The following SEZ6L variants were observed in gnomAD, a reference collection of about 807,000 sequenced individuals.
SEZ6L encodes seizure 6-like protein.
Under a neutral mutation model 106.2 loss-of-function variants are expected in SEZ6L, and 37 were observed. That is an observed-to-expected ratio of 0.35 (90% CI 0.27 to 0.46). SEZ6L has a LOEUF of 0.46. Among genes scored for constraint, SEZ6L ranks in the 20% least tolerant of loss-of-function variants. The pLI is 1.00. For missense variants in SEZ6L, 1,172 were observed against 1,332.8 expected, an observed-to-expected ratio of 0.88 and a Z score of 1.88; for synonymous variants, 541 against 570.4, an observed-to-expected ratio of 0.95 and a Z score of 0.73.
chr22:26,314,015 C>A, intron 9 of SEZ6L, 113 bp downstream of exon 9: 1 of 1,099,508 alleles, frequency 9.1e-7, no homozygotes, highest in Non-Finnish European at 1.3e-6. Context: ...TACTATGTGC[C>A]GGGACTATGC....
rs184234662 is a variant in SEZ6L at position 26,373,577 on chromosome 22, A to G, written c.2827+94A>G. On this transcript the variant is annotated intron_variant, in intron 14 of 16. Coordinates refer to ENST00000248933, the MANE Select transcript of SEZ6L (RefSeq NM_021115.5). ...TTTGAATATCTTTATTTAGACACTT[A>G]AAAAATAAATAAATTCTACCTTCAG... is the stretch of plus-strand genomic sequence containing the variant. 8 of 948,278 alleles carry G rather than the reference A, an allele frequency of 8.4e-6. No individual in the cohort carries two copies. The East Asian group carries it at 1.7e-4, about 21-fold the overall frequency. The allele number at this position is 948,278 out of a possible 1,614,324, so 58.7% of individuals were successfully genotyped here.
intron 1 of SEZ6L, among the ~76,000 whole-genome samples, chr22:26,190,663 A>G (rs1455478862): frequency 6.6e-6 from 1 of 152,122 alleles, no homozygotes; most frequent in Non-Finnish European, 1.5e-5. Context: ...TGAGGCTGGA[A>G]CCATGTAGGA....
intron 1 of SEZ6L, among the ~76,000 whole-genome samples, chr22:26,210,537 G>A (rs757582365): frequency 3.0e-4 from 46 of 152,156 alleles, no homozygotes; most frequent in Non-Finnish European, 1.6e-4. Flanking sequence ...CGATGTCAGT[G>A]ACACGCCACA....
At chr22:26,277,464 C>T (rs1024430401) in intron 1 of SEZ6L, among the ~76,000 whole-genome samples, 1 of 152,192 alleles carries the variant, frequency 6.6e-6, no homozygotes, top group African/African-American at 2.4e-5. Context: ...ATGAAGAGAA[C>T]AGCAAGAAAT....
chr22:26,204,168 A>G (rs746419046), intron 1 of SEZ6L, among the ~76,000 whole-genome samples: 20 of 152,210 alleles, frequency 1.3e-4, no homozygotes, highest in Non-Finnish European at 2.8e-4. Context: ...CATTCAATAC[A>G]TAGTTCTTGA....
At chr22:26,198,341 A>G (rs1437446522) in intron 1 of SEZ6L, among the ~76,000 whole-genome samples, 1 of 152,242 alleles carries the variant, frequency 6.6e-6, no homozygotes, top group Non-Finnish European at 1.5e-5. Flanking sequence ...CCATAAAGCT[A>G]TATAAATGTT....
chr22:26,208,923 C>T (rs976112119), intron 1 of SEZ6L, among the ~76,000 whole-genome samples: 13 of 144,310 alleles, frequency 9.0e-5, no homozygotes, highest in East Asian at 6.2e-4. Context: ...TGATATTTCC[C>T]GCAAATCCCT....
At chr22:26,328,184 C>T (rs1254809083) in intron 9 of SEZ6L, among the ~76,000 whole-genome samples, 1 of 152,148 alleles carries the variant, frequency 6.6e-6, no homozygotes, top group Non-Finnish European at 1.5e-5. Context: ...GGTTGGGAAG[C>T]CTCTTGTCCA....
chr22:26,358,218 T>C (rs1246577519), intron 12 of SEZ6L, among the ~76,000 whole-genome samples: 3 of 152,168 alleles, frequency 2.0e-5, no homozygotes, highest in Non-Finnish European at 4.4e-5. Flanking sequence ...CCTAGGGGAT[T>C]TGGGTAAAAG....
intron 13 of SEZ6L, among the ~76,000 whole-genome samples, chr22:26,369,999 C>G (rs931602235): frequency 6.6e-6 from 1 of 152,190 alleles, no homozygotes; most frequent in African/African-American, 2.4e-5. Flanking sequence ...TGCCTGTAAA[C>G]CCTCTAACTG....
intron 1 of SEZ6L, among the ~76,000 whole-genome samples, chr22:26,207,714 A>G (rs1239591717): frequency 1.3e-5 from 2 of 151,978 alleles, no homozygotes; most frequent in East Asian, 3.9e-4. Flanking sequence ...TGTTCTAGGA[A>G]TTACATTATA....
At chr22:26,206,849 G>T (rs1438332500) in intron 1 of SEZ6L, among the ~76,000 whole-genome samples, 2 of 152,192 alleles carry the variant, frequency 1.3e-5, no homozygotes, top group African/African-American at 4.8e-5. Context: ...TTTCTGGACA[G>T]AAAATTCAAA....
rs1019104924 is a variant in SEZ6L, at chr22:26,306,120, G to A, written c.1490G>A (p.Arg497Lys). ...CAGAAGCTGCACCTGCACTTTGAGA[G>A]GCTGTTGCTGCATGACAAGGACAGG... is the stretch of plus-strand genomic sequence containing the variant. ...EGQKLHLHFE[R>K]LLLHDKDRMT... The change falls in exon 6 of 17, where the codon AGG becomes AAG. Residue 497 changes from arginine to lysine, a missense_variant. Physicochemically the swap from Arg to Lys is conservative, Grantham distance 26. Transcript: ENST00000248933. 3.1e-6 allele frequency: 5 copies of A among 1,613,826 alleles called. No individual in the cohort carries two copies. Among genetic ancestry groups the A allele is most frequent in the African/African-American group, 2.7e-5 (2 of 74,928 alleles).
intron 13 of SEZ6L, among the ~76,000 whole-genome samples, chr22:26,367,281 C>T (rs529197454): frequency 3.9e-5 from 6 of 152,050 alleles, no homozygotes; most frequent in Non-Finnish European, 7.4e-5. Context: ...AGACAGCTCT[C>T]GCCTTGCCCT....
intron 15 of SEZ6L, among the ~76,000 whole-genome samples, chr22:26,376,259 A>G (rs1568959938): frequency 6.6e-6 from 1 of 152,244 alleles, no homozygotes; most frequent in Non-Finnish European, 1.5e-5. Flanking sequence ...GGTTCTAACA[A>G]GGAAAGATAG....
At chr22:26,353,538 C>T (rs1354795137) in intron 12 of SEZ6L, among the ~76,000 whole-genome samples, 1 of 152,226 alleles carries the variant, frequency 6.6e-6, no homozygotes, top group East Asian at 1.9e-4. Flanking sequence ...ACCACAACCA[C>T]ACTTGGTCCC....
chr22:26,223,498 C>A (rs1348318464), intron 1 of SEZ6L, among the ~76,000 whole-genome samples: 1 of 152,140 alleles, frequency 6.6e-6, no homozygotes, highest in Non-Finnish European at 1.5e-5. Flanking sequence ...GGCTCCTCAG[C>A]CTCCCCTTCA....
At chr22:26,282,668 G>C (rs1302062563) in intron 1 of SEZ6L, among the ~76,000 whole-genome samples, 2 of 152,186 alleles carry the variant, frequency 1.3e-5, no homozygotes, top group Non-Finnish European at 2.9e-5. Flanking sequence ...GAAAGCTCGA[G>C]AGTACCTCAA....
chr22:26,186,439 C>T (rs1939787077), intron 1 of SEZ6L, among the ~76,000 whole-genome samples: 1 of 152,052 alleles, frequency 6.6e-6, no homozygotes, highest in African/African-American at 2.4e-5. Flanking sequence ...GGAGATTGGG[C>T]TAACTCCAAA....
Sources: allele counts gnomAD v4.1 joint callset (sites outside exome capture counted in the v4.1 genomes callset), GRCh38; gene constraint gnomAD v4.1.1; transcripts MANE v1.5; gene names NCBI Gene and HGNC (gene_info 2026-07-23, HGNC 2026-07-21).